The following PHF8 variants were observed in gnomAD, a reference collection of about 807,000 sequenced individuals.
PHF8 encodes the protein PHD finger protein 8.
PHF8 carries 9 observed loss-of-function variants against 74.4 expected under a neutral mutation model. That is an observed-to-expected ratio of 0.12 (90% CI 0.07 to 0.21). The LOEUF (loss-of-function observed/expected upper bound fraction) is 0.21. PHF8 is among the 10% of genes least tolerant of loss of function. The pLI is 1.00. For missense variants in PHF8, 478 were observed against 816.6 expected (o/e 0.59, Z 5.05); for synonymous variants, 311 against 316.6 (o/e 0.98, Z 0.19).
At chrX:53,978,961 A>C (rs1284811130) in intron 18 of PHF8, among the ~76,000 whole-genome samples, 3 of 111,374 alleles carry the variant, frequency 2.7e-5, no homozygotes, top group Non-Finnish European at 5.7e-5. Flanking sequence ...CATGACTACA[A>C]AGGGGGTAGT....
chrX:53,936,850 C>T lies in PHF8; in HGVS notation c.*2308G>A, dbSNP rs1162950440. 8.9e-6 allele frequency: 1 copy of T among 111,900 alleles called. No homozygotes were observed. Among genetic ancestry groups the T allele is most frequent in the Non-Finnish European group, 1.9e-5 (1 of 53,122 alleles). The allele number at this position is 111,900 out of a possible 1,213,427, so 9.2% of individuals were successfully genotyped here. A position where few individuals can be genotyped will look rare whatever the true frequency, so the allele number is the denominator to read the frequency against. On this transcript the variant is annotated 3_prime_UTR_variant, in exon 22 of 22. Transcript: ENST00000338154. ...AGGCCCTGCATCAGAAATTCACAAT[C>T]CTACCCACTTCTAAAAATATATTTA...
intron 8 of PHF8, among the ~76,000 whole-genome samples, chrX:54,008,299 G>A (rs934590755): frequency 6.5e-5 from 7 of 107,664 alleles, no homozygotes; most frequent in South Asian, 4.2e-4. Flanking sequence ...CCTGGGAGGC[G>A]GAGGTTGCAG....
chrX:53,950,473 G>GT (rs2064905837), intron 19 of PHF8, among the ~76,000 whole-genome samples: 1 of 112,688 alleles, frequency 8.9e-6, no homozygotes, highest in African/African-American at 3.2e-5. Context: ...TGTTGGCGCT[G>GT]TAAGACTTGA....
intron 3 of PHF8, 90 bp from the exon 4 acceptor site, chrX:54,022,457 A>C: frequency 1.6e-6 from 1 of 621,074 alleles, no homozygotes; most frequent in Non-Finnish European, 2.8e-6. Context: ...CTTCTCTTCC[A>C]ATCTAACCAC....
chrX:54,019,625 T>C (rs1210513226), intron 4 of PHF8, among the ~76,000 whole-genome samples: 1 of 104,876 alleles, frequency 9.5e-6, no homozygotes, highest in Non-Finnish European at 1.9e-5. Flanking sequence ...ACCCCATCTC[T>C]ACTAAAAATA....
At chrX:54,002,059 T>C (rs897627111) in intron 10 of PHF8, 96 bp downstream of exon 10, 29 of 535,064 alleles carry the variant, frequency 5.4e-5, no homozygotes, top group Non-Finnish European at 8.6e-5. Context: ...GGTAATGAAA[T>C]AGTATCATGT....
chrX:54,041,009 G>A (rs1320387632), intron 2 of PHF8, among the ~76,000 whole-genome samples: 2 of 111,782 alleles, frequency 1.8e-5, no homozygotes, highest in Non-Finnish European at 3.8e-5. Flanking sequence ...ATTTGGATAC[G>A]GGGCAAGGGG....
In PHF8 at chrX:54,014,602, AG is replaced by A. The variant is rs782355861; in HGVS notation, c.597-40del. ...GGTGGAGAGCAGATGTCAGCTGATT[AG>A]GAAGAGAAGATTGAGGCCTGAATAA... On this transcript the variant is annotated intron_variant, in intron 6 of 21. Transcript: ENST00000338154. 29 of 1,006,400 alleles carry A rather than the reference AG, an allele frequency of 2.9e-5. No homozygotes were observed. The African/African-American group carries it at 4.7e-4, about 16-fold the overall frequency. The allele number at this position is 1,006,400 out of a possible 1,213,427, so 82.9% of individuals were successfully genotyped here.
At chrX:54,045,945 GGTTTTTTT>G (rs2066630319), upstream of PHF8, among the ~76,000 whole-genome samples, 1 of 21,590 alleles carries the variant, frequency 4.6e-5, no homozygotes, top group African/African-American at 6.7e-5. Flanking sequence ...GATGGTTTAG[GGTTTTTTT>G]TTTTTTTTAT....
chrX:53,958,855 T>TG (rs1557089782), intron 19 of PHF8, among the ~76,000 whole-genome samples: 1 of 105,383 alleles, frequency 9.5e-6, no homozygotes, highest in Non-Finnish European at 1.9e-5. Context: ...CTAACAGGGC[T>TG]GGGAAGGAAA....
upstream of PHF8, among the ~76,000 whole-genome samples, chrX:54,047,806 T>G (rs1026602238): frequency 3.6e-5 from 4 of 111,142 alleles, no homozygotes; most frequent in African/African-American, 1.3e-4. Flanking sequence ...CTATTTTAGA[T>G]AAGGTAGTCA....
chrX:54,046,356 G>A (rs1055649052), upstream of PHF8, among the ~76,000 whole-genome samples: 2 of 110,413 alleles, frequency 1.8e-5, no homozygotes, highest in Non-Finnish European at 3.8e-5. Context: ...AGGCCGAGGC[G>A]GGCGGATCAC....
At position 53,944,137 on chromosome X, in the gene PHF8, C is replaced by T. The variant is rs151005244; in HGVS notation, c.2646G>A (p.Gln882=). ...GACCTGGGGTGTCAGCACCTACCTG[C>T]TGGGCCAGCTTTGCAGCTGCTGCAG... ...GLAAAAAKLA[Q]QELQKAQKKK... is the part of the protein sequence containing the mutation. The change falls in exon 20 of 22, where the codon CAG becomes CAA. Residue 882 remains glutamine (Q), a synonymous_variant. Transcript: ENST00000338154. 6 of 1,183,195 alleles carry T rather than the reference C, an allele frequency of 5.1e-6. No homozygotes were observed. Among genetic ancestry groups the T allele is most frequent in the Non-Finnish European group, 6.9e-6 (6 of 871,711 alleles).
chrX:54,033,929 A>C (rs2066405530), intron 2 of PHF8, among the ~76,000 whole-genome samples: 1 of 107,522 alleles, frequency 9.3e-6, no homozygotes, highest in Non-Finnish European at 1.9e-5. Context: ...GTCTCAAATA[A>C]AAAAAAAAAG....
intron 19 of PHF8, among the ~76,000 whole-genome samples, chrX:53,948,176 C>A (rs1456709257): frequency 1.8e-5 from 2 of 112,046 alleles, no homozygotes; most frequent in Non-Finnish European, 3.8e-5. Context: ...TTTGTGTAAA[C>A]AGTTGGGGAA....
chrX:54,016,786 A>C (rs782706412), intron 5 of PHF8, 50 bp from the exon 6 acceptor site: 26 of 1,051,658 alleles, frequency 2.5e-5, no homozygotes, highest in Admixed American at 1.1e-4. Context: ...GGACTGTGGA[A>C]GACTCTCTTG....
At chrX:54,017,883 G>A (rs1557108722) in intron 4 of PHF8, 62 bp from the exon 5 acceptor site, 5 of 1,076,752 alleles carry the variant, frequency 4.6e-6, no homozygotes, top group Non-Finnish European at 6.4e-6. Context: ...CCTTATTGGA[G>A]GCTGCCACTC....
rs782448395 is a variant in PHF8 at position 54,042,705 on chromosome X, G to A, written c.24C>T (p.Cys8=). The change falls in exon 2 of 22, where the codon TGC becomes TGT. Residue 8 remains cysteine, a synonymous_variant. Coordinates refer to ENST00000338154, the MANE Select transcript of PHF8 (RefSeq NM_015107.3). MASVPVY[C]LCRLPYDVTR... is the part of the protein sequence containing the mutation. ...TCACATCGTAAGGCAGCCGGCAGAG[G>A]CAATACACCGGCACCGAGGCCATCT... The A allele has an allele frequency of 6.6e-6, 8 of 1,210,510 alleles. No individual in the cohort carries two copies. The highest frequency in any genetic ancestry group is 2.2e-5 in the Admixed American group (1 of 46,048).
Position 54,017,695 on chromosome X carries a change from T to A in PHF8, c.420A>T (p.Pro140=). 1 of 1,209,265 alleles carries A rather than the reference T, an allele frequency of 8.3e-7. No homozygotes were observed. Among genetic ancestry groups the A allele is most frequent in the Non-Finnish European group, 1.1e-6 (1 of 893,148 alleles). Residue 140 remains proline, a synonymous_variant, in exon 5 of 22, where the codon CCA becomes CCT. Coordinates refer to ENST00000338154, the MANE Select transcript of PHF8 (RefSeq NM_015107.3). ...KDGLGMTLPS[P]SFTVRDVEHY... ...GTTCAACATCCCTCACAGTGAATGA[T>A]GGCGAGGGCAGCGTCATGCCCAACC... is the stretch of plus-strand genomic sequence containing the variant.
Sources: allele counts gnomAD v4.1 joint callset (sites outside exome capture counted in the v4.1 genomes callset), GRCh38; gene constraint gnomAD v4.1.1; transcripts MANE v1.5; gene names NCBI Gene and HGNC (gene_info 2026-07-23, HGNC 2026-07-21).